SIRPB1: variants seen among roughly 807,000 people sequenced by gnomAD.
The protein encoded by SIRPB1 is signal regulatory protein beta 1, also known as signal-regulatory protein beta-1.
SIRPB1 carries 28 observed loss-of-function variants against 34.1 expected under a neutral mutation model. That is an observed-to-expected ratio of 0.82 (90% CI 0.61 to 1.12). SIRPB1 has a LOEUF of 1.12. Among genes scored for constraint, SIRPB1 ranks in the 50% most tolerant of loss-of-function variants. The pLI is 0.00. For missense variants in SIRPB1, 499 were observed against 507.0 expected (o/e 0.98, Z 0.15); for synonymous variants, 211 against 203.8 (o/e 1.04, Z -0.30).
Position 1,570,894 on chromosome 20 carries a change from A to G in SIRPB1, c.995T>C (p.Val332Ala). 1.2e-6 allele frequency: 2 copies of G among 1,614,124 alleles called. No individual in the cohort carries two copies. Among genetic ancestry groups the G allele is most frequent in the Non-Finnish European group, 1.7e-6 (2 of 1,180,018 alleles). The change falls in exon 4 of 6, where the codon GTG becomes GCG. Residue 332 changes from valine (V) to alanine (A), a missense_variant. Physicochemically the swap from Val to Ala is moderately conservative, Grantham distance 64. Coordinates refer to ENST00000381605, the MANE Select transcript of SIRPB1 (RefSeq NM_006065.5). The stretch of plus-strand genomic sequence containing the variant: ...GACTGCTTGCTGCCCATCATGCTCC[A>G]CCTGACAGGTGAGCACCACATCGTC... ...HRDDVVLTCQ[V>A]EHDGQQAVSK...
At chr20:1,614,672 A>C (rs1054754832) in intron 1 of SIRPB1, among the ~76,000 whole-genome samples, 4 of 151,956 alleles carry the variant, frequency 2.6e-5, no homozygotes, top group Non-Finnish European at 4.4e-5. Context: ...GCCTCTTCAT[A>C]TGAACTTTTC....
chr20:1,607,673 G>T lies in SIRPB1; in HGVS notation c.76+12196C>A, dbSNP rs1350414142. On this transcript the variant is annotated intron_variant, in intron 1 of 5. Coordinates refer to ENST00000381605, the MANE Select transcript of SIRPB1 (RefSeq NM_006065.5). ...TTGGGGCCTACAGAAGCCCTGACCT[G>T]TCTGAGGTCACACAGCTTCACCCTA... 3.0e-5 allele frequency among the ~76,000 whole-genome samples: 2 copies of T among 67,584 alleles called. 1 individual carries two copies. The highest frequency in any genetic ancestry group is 5.4e-5 in the Non-Finnish European group (2 of 36,942). The allele number at this position is 67,584 out of a possible 152,430, so 44.3% of individuals were successfully genotyped here. A position where few individuals can be genotyped will look rare whatever the true frequency, so the allele number is the denominator to read the frequency against.
In SIRPB1 at chr20:1,564,989, G is replaced by A. The variant is rs6105340; in HGVS notation, c.*511C>T. The A allele has an allele frequency of 0.043, 16,953 of 398,510 alleles. 2,355 individuals carry two copies. The highest frequency in any genetic ancestry group is 0.3 in the African/African-American group (14,780 of 48,662). The allele number at this position is 398,510 out of a possible 1,614,324, so 24.7% of individuals were successfully genotyped here. On this transcript the variant is annotated 3_prime_UTR_variant, in exon 6 of 6. Coordinates refer to ENST00000381605, the MANE Select transcript of SIRPB1 (RefSeq NM_006065.5). ...TACTGTCTCCATCACAGAGAGAGAA[G>A]GGAGAGCTTCTTTCTTTTTGGGTTT...
intron 4 of SIRPB1, among the ~76,000 whole-genome samples, chr20:1,567,652 T>C (rs142177792): frequency 4.6e-5 from 7 of 152,340 alleles, no homozygotes; most frequent in African/African-American, 1.7e-4. Context: ...AAGCCGTGAC[T>C]TGCTGTTGTG....
chr20:1,565,903 G>A (rs1290968160), intron 5 of SIRPB1, among the ~76,000 whole-genome samples: 1 of 151,944 alleles, frequency 6.6e-6, no homozygotes, highest in Non-Finnish European at 1.5e-5. Flanking sequence ...AGGCCACTGG[G>A]GACAACTTTG....
In SIRPB1 at chr20:1,589,062, A is replaced by C. The variant is rs550942617; in HGVS notation, c.77-10368T>G. On this transcript the variant is annotated intron_variant, in intron 1 of 5. Transcript: ENST00000381605. ...GTTGCTTCGTTCTGCACCAGCCTCA[A>C]CCAAGTGCTACTCAGCAGGGGGCAA... Among the ~76,000 whole-genome samples, 5 of 48,762 alleles carry C rather than the reference A, an allele frequency of 1.0e-4. 1 individual carries two copies. The East Asian group carries it at 3.0e-3, about 29-fold the overall frequency. 32.0% of individuals were successfully genotyped at this position (48,762 alleles called of 152,430 possible).
At chr20:1,617,762 CAT>C (rs2091651372) in intron 1 of SIRPB1, among the ~76,000 whole-genome samples, 3 of 152,140 alleles carry the variant, frequency 2.0e-5, no homozygotes, top group Admixed American at 2.0e-4. Context: ...GCAATGTACA[CAT>C]ATTTCATTAA....
At chr20:1,619,703 G>A (rs1393886081) in intron 1 of SIRPB1, among the ~76,000 whole-genome samples, 166 bp downstream of exon 1, 2 of 152,218 alleles carry the variant, frequency 1.3e-5, no homozygotes, top group Non-Finnish European at 2.9e-5. Flanking sequence ...GCCAGCTGCA[G>A]ATCCACAGAG....
chr20:1,619,684 C>A (rs956640951), intron 1 of SIRPB1, among the ~76,000 whole-genome samples, 185 bp downstream of exon 1: 6 of 152,194 alleles, frequency 3.9e-5, no homozygotes, highest in East Asian at 1.9e-4. Context: ...TGGTTCAATG[C>A]CTCTGGTAGC....
At position 1,578,160 on chromosome 20, in the gene SIRPB1, G is replaced by A. The variant is rs193219721; in HGVS notation, c.433+178C>T. On this transcript the variant is annotated intron_variant, in intron 2 of 5. Coordinates refer to ENST00000381605, the MANE Select transcript of SIRPB1 (RefSeq NM_006065.5). ...ATTTACAAGCCGTGGAGCCTCGAGC[G>A]ACTGCCATGACATCTCCAAGCCTCA... The A allele has an allele frequency of 7.2e-4, 499 of 694,712 alleles. 34 individuals carry two copies. The highest frequency in any genetic ancestry group is 1.1e-3 in the Non-Finnish European group (446 of 412,164). 43.0% of individuals were successfully genotyped at this position (694,712 alleles called of 1,614,324 possible).
chr20:1,561,705 T>C lies in SIRPB1; in HGVS notation c.*3795A>G, dbSNP rs1419781489. Among the ~76,000 whole-genome samples the C allele has an allele frequency of 6.6e-6, 1 of 152,180 alleles. No individual in the cohort carries two copies. The highest frequency in any genetic ancestry group is 1.5e-5 in the Non-Finnish European group (1 of 68,026). On this transcript the variant is annotated 3_prime_UTR_variant, in exon 6 of 6. Transcript: ENST00000381605. Reference sequence around the variant, plus strand: ...TTCATCACATCATATTAAAGGTACATATTAGTGACATGATTTATGATTCTT... The same window carrying C: ...TTCATCACATCATATTAAAGGTACACATTAGTGACATGATTTATGATTCTT...
chr20:1,562,794 GT>G lies in SIRPB1; in HGVS notation c.*2705del, dbSNP rs1163919441. On this transcript the variant is annotated 3_prime_UTR_variant, in exon 6 of 6. Transcript: ENST00000381605. ...AGTTGGGTTGCCTCCTTGCCTCCCA[GT>G]GATGAGCCCATATGACATTTTACAG... Among the ~76,000 whole-genome samples the G allele has an allele frequency of 3.3e-5, 5 of 152,194 alleles. No individual in the cohort carries two copies. The highest frequency in any genetic ancestry group is 7.3e-5 in the Non-Finnish European group (5 of 68,038).
At chr20:1,568,267 A>G (rs2091171110) in intron 4 of SIRPB1, among the ~76,000 whole-genome samples, 1 of 152,220 alleles carries the variant, frequency 6.6e-6, no homozygotes, top group South Asian at 2.1e-4. Context: ...TCAAAAGGGA[A>G]CACTCACCTA....
intron 1 of SIRPB1, among the ~76,000 whole-genome samples, chr20:1,615,012 T>C (rs2091610130): frequency 6.6e-6 from 1 of 152,158 alleles, no homozygotes; most frequent in Non-Finnish European, 1.5e-5. Flanking sequence ...TGATATAACA[T>C]TGGTAACACC....
rs2091577567 is a variant in SIRPB1 at position 1,612,354 on chromosome 20, C to T, written c.76+7515G>A. 2.8e-5 allele frequency among the ~76,000 whole-genome samples: 2 copies of T among 72,686 alleles called. 1 individual carries two copies. Among genetic ancestry groups the T allele is most frequent in the Admixed American group, 2.2e-4 (2 of 8,952 alleles). The allele number at this position is 72,686 out of a possible 152,430, so 47.7% of individuals were successfully genotyped here. A position where few individuals can be genotyped will look rare whatever the true frequency, so the allele number is the denominator to read the frequency against. ...AGGACCTGAGTAGAACTCTTGAGCC[C>T]TCCTTGGAAGTGCCATGTTTTGCTA... On this transcript the variant is annotated intron_variant, in intron 1 of 5. Coordinates refer to ENST00000381605, the MANE Select transcript of SIRPB1 (RefSeq NM_006065.5).
rs1234037959 is a variant in SIRPB1 at position 1,577,621 on chromosome 20, G to A, written c.433+717C>T. 1.4e-4 allele frequency among the ~76,000 whole-genome samples: 21 copies of A among 147,206 alleles called. 2 individuals are homozygous for A. The highest frequency in any genetic ancestry group is 3.0e-4 in the Non-Finnish European group (20 of 65,796). On this transcript the variant is annotated intron_variant, in intron 2 of 5. Transcript: ENST00000381605. ...TGCTCGGAGCCCATGGTAACTCTGT[G>A]ACTCAGTCCCCAAATCACAGAAGGG...
In SIRPB1 at chr20:1,565,113, A is replaced by G. The variant is rs2091110211; in HGVS notation, c.*387T>C. On this transcript the variant is annotated 3_prime_UTR_variant, in exon 6 of 6. Coordinates refer to ENST00000381605, the MANE Select transcript of SIRPB1 (RefSeq NM_006065.5). Reference sequence around the variant, plus strand: ...ATTCAGGAGGCAGTAGAGAACCTCAACAAGGCTGGGGGAGTTGGGGTAGGC... The same window carrying G: ...ATTCAGGAGGCAGTAGAGAACCTCAGCAAGGCTGGGGGAGTTGGGGTAGGC... 5 of 398,560 alleles carry G rather than the reference A, an allele frequency of 1.3e-5. 1 individual carries two copies. The South Asian group carries it at 5.1e-4, about 41-fold the overall frequency. The allele number at this position is 398,560 out of a possible 1,614,324, so 24.7% of individuals were successfully genotyped here.
rs190346741 is a variant in SIRPB1, at chr20:1,562,638, G to A, written c.*2862C>T. On this transcript the variant is annotated 3_prime_UTR_variant, in exon 6 of 6. Coordinates refer to ENST00000381605, the MANE Select transcript of SIRPB1 (RefSeq NM_006065.5). ...ATTTGCATAGAGTACAAACTTCTGGGCTAGCTCTTCAGTCCACAAATCACC... is the reference window on the plus strand; with the variant it reads ...ATTTGCATAGAGTACAAACTTCTGGACTAGCTCTTCAGTCCACAAATCACC... Among the ~76,000 whole-genome samples, 63 of 152,210 alleles carry A rather than the reference G, an allele frequency of 4.1e-4. No homozygotes were observed. Among genetic ancestry groups the A allele is most frequent in the Non-Finnish European group, 7.9e-4 (54 of 68,004 alleles).
In SIRPB1 at chr20:1,571,850, GCTGTAGGACACA is replaced by G. The variant is rs751360997; in HGVS notation, c.609_620del (p.Val204_Ser207del). The G allele has an allele frequency of 2.5e-6, 4 of 1,614,230 alleles. No individual in the cohort carries two copies. The highest frequency in any genetic ancestry group is 3.4e-6 in the Non-Finnish European group (4 of 1,180,028). On this transcript the variant is annotated inframe_deletion, in exon 3 of 6. Coordinates refer to ENST00000381605, the MANE Select transcript of SIRPB1 (RefSeq NM_006065.5). ...GCACCACCCTGGCTGTGCTGTGGAT[GCTGTAGGACACA>G]CTGTCTCCTGCGGGGTCCACGTTGG...
Sources: gnomAD v4.1 joint callset for allele counts (sites outside exome capture counted in the v4.1 genomes callset) on GRCh38, gnomAD v4.1.1 for gene constraint, MANE v1.5 for transcripts, NCBI Gene and HGNC (gene_info 2026-07-23, HGNC 2026-07-21) for gene names.